NUDC: variants seen among roughly 807,000 people sequenced by gnomAD.
NUDC encodes nuclear migration protein nudC.
A neutral mutation model predicts 45.0 loss-of-function variants in NUDC; 14 were observed. The ratio of observed to expected loss-of-function variants is 0.31; its 90% CI spans 0.21 to 0.49. The LOEUF is 0.49. Among genes scored for constraint, NUDC ranks in the 20% least tolerant of loss-of-function variants. The pLI, the probability that NUDC is intolerant of heterozygous loss-of-function variation, is 0.99. For synonymous variants in NUDC, 153 were observed against 156.7 expected (o/e 0.98, Z 0.17); for missense variants, 323 against 426.2 (o/e 0.76, Z 2.13).
intron 3 of NUDC, among the ~76,000 whole-genome samples, chr1:26,916,676 T>G (rs533485441): frequency 5.9e-5 from 9 of 151,954 alleles, no homozygotes; most frequent in African/African-American, 1.9e-4. Context: ...AACCAAGAAC[T>G]GGCCGGGCAC....
chr1:26,941,509 G>A lies in NUDC; in HGVS notation c.212G>A (p.Arg71Gln), dbSNP rs140696208. 2.4e-4 allele frequency: 384 copies of A among 1,614,044 alleles called. 2 individuals are homozygous for A. In the East Asian group the frequency reaches 8.1e-3, roughly 34 times the overall value. ...AATCAGCTGGCACAGAAGACCCGGC[G>A]GGAGAAGAGAGCCCGGCAGGAGGCC... ...HHNQLAQKTRREKRARQEAER... is the reference protein window; with the variant it reads ...HHNQLAQKTRQEKRARQEAER... Residue 71 changes from arginine (R) to glutamine (Q), a missense_variant, in exon 3 of 9, where the codon CGG becomes CAG. Arg to Gln is a conservative substitution (Grantham distance 43). This residue lies in a region of NUDC where 245 missense variants were observed against 278.8 expected (regional missense o/e 0.88). Coordinates refer to ENST00000321265, the MANE Select transcript of NUDC (RefSeq NM_006600.4).
intron 2 of NUDC, among the ~76,000 whole-genome samples, chr1:26,931,269 G>A (rs1239646899): frequency 1.3e-5 from 2 of 150,678 alleles, no homozygotes; most frequent in African/African-American, 4.9e-5. Context: ...GTAGAGATGG[G>A]GTTTTACCAT....
chr1:26,946,434 G>A lies in NUDC; in HGVS notation c.*253G>A, dbSNP rs2082318340. On this transcript the variant is annotated 3_prime_UTR_variant, in exon 9 of 9. Transcript: ENST00000321265. The stretch of plus-strand genomic sequence containing the variant: ...TCTCTTGCCTCTGGCCTTTCTCTGG[G>A]GCACAGGCCTCTTACGGCTGCTGCT... 1.9e-6 allele frequency: 1 copy of A among 532,032 alleles called. No homozygotes were observed. The highest frequency in any genetic ancestry group is 3.4e-6 in the Non-Finnish European group (1 of 294,524). The allele number at this position is 532,032 out of a possible 1,614,324, so 33.0% of individuals were successfully genotyped here.
chr1:26,924,211 A>C lies in NUDC; in HGVS notation c.159+45A>C, dbSNP rs749973460. 15 of 1,551,372 alleles carry C rather than the reference A, an allele frequency of 9.7e-6. No homozygotes were observed. In the South Asian group the frequency reaches 1.7e-4, roughly 17 times the overall value. ...GTCCTTTGGGCGGCTCTGTCTCTTC[A>C]GAAGAAAAGCTCACCTGGCCTTTCT... On this transcript the variant is annotated intron_variant, in intron 2 of 8. Transcript: ENST00000321265.
rs151014108 is a variant in NUDC at position 26,913,468 on chromosome 1, C to T, written c.93+2233C>T. 1,146 of 1,614,106 alleles carry T rather than the reference C, an allele frequency of 7.1e-4. 7 individuals carry two copies. The African/African-American group carries it at 0.013, about 18-fold the overall frequency. On this transcript the variant is annotated intron_variant, in intron 3 of 6. Transcript: ENST00000435827. ...ATATTCCTTGGGGCTAAGCTCCAGG[C>T]TCCAGAAGGACTCCAGACAGCATTG...
intron 6 of NUDC, 35 bp from the exon 7 acceptor site, chr1:26,945,355 G>A (rs753304018): frequency 1.3e-6 from 2 of 1,579,790 alleles, no homozygotes; most frequent in East Asian, 2.2e-5. Flanking sequence ...GCACAGAGCA[G>A]GCCACCTCCC....
chr1:26,922,085 C>T (rs1477349234), intron 1 of NUDC, 156 bp downstream of exon 1: 14 of 756,898 alleles, frequency 1.8e-5, no homozygotes, highest in Non-Finnish European at 3.1e-5. Context: ...TGGCCACCCG[C>T]CAGCAGGTCT....
chr1:26,933,109 T>C (rs2082197039), intron 2 of NUDC, among the ~76,000 whole-genome samples: 1 of 152,088 alleles, frequency 6.6e-6, no homozygotes, highest in East Asian at 1.9e-4. Flanking sequence ...CTAATTTTTG[T>C]ATTTTTATTA....
At chr1:26,941,425 C>G (rs2082275186) in intron 2 of NUDC, 32 bp from the exon 3 acceptor site, 3 of 1,607,900 alleles carry the variant, frequency 1.9e-6, no homozygotes, top group Middle Eastern at 1.8e-4. Context: ...GTCCCCTGCT[C>G]TGATGCCTCA....
chr1:26,913,525 G>T (rs1215169942), intron 3 of NUDC: 23 of 1,613,446 alleles, frequency 1.4e-5, no homozygotes, highest in Non-Finnish European at 1.8e-5. Flanking sequence ...GGAGGGCTGG[G>T]GTCTGTCTGG....
At chr1:26,901,031 T>C (rs2124039988) in intron 1 of NUDC, among the ~76,000 whole-genome samples, 1 of 151,978 alleles carries the variant, frequency 6.6e-6, no homozygotes, top group Admixed American at 6.6e-5. Context: ...AACCTTAGAG[T>C]CGATGACAAC....
At position 26,903,515 on chromosome 1, in the gene NUDC, T is replaced by G. The variant is rs530819760; in HGVS notation, c.-16+1149T>G. On this transcript the variant is annotated intron_variant, in intron 2 of 6. Transcript: ENST00000435827. ...ATATTAAAAGTGAAAATAACTCATT[T>G]CAGAAAGCAATAGTTACCTTGTGAT... 4.6e-5 allele frequency among the ~76,000 whole-genome samples: 7 copies of G among 152,320 alleles called. No individual in the cohort carries two copies. In the East Asian group the frequency reaches 1.3e-3, roughly 29 times the overall value.
intron 2 of NUDC, among the ~76,000 whole-genome samples, chr1:26,933,275 T>C (rs1376865040): frequency 6.6e-6 from 1 of 151,982 alleles, no homozygotes; most frequent in Non-Finnish European, 1.5e-5. Context: ...GATGGACTTT[T>C]GGGTTGCTTT....
intron 1 of NUDC, 177 bp downstream of exon 1, chr1:26,922,106 G>T (rs2082096471): frequency 1.5e-6 from 1 of 664,232 alleles, no homozygotes; most frequent in Non-Finnish European, 2.6e-6. Flanking sequence ...CACCCGGTTC[G>T]CATCAGTCCC....
At chr1:26,902,243 T>C (rs1298629975) in intron 1 of NUDC, 1 of 152,226 alleles carries the variant, frequency 6.6e-6, no homozygotes, top group Non-Finnish European at 1.5e-5. Flanking sequence ...ACTGATCAGT[T>C]GGAACAAACT....
chr1:26,940,696 G>T (rs1232496679), intron 2 of NUDC, among the ~76,000 whole-genome samples: 1 of 151,878 alleles, frequency 6.6e-6, no homozygotes, highest in Non-Finnish European at 1.5e-5. Context: ...TTTTGTTTTG[G>T]TTTTTTTGAG....
At chr1:26,938,275 G>A (rs996420050) in intron 2 of NUDC, among the ~76,000 whole-genome samples, 1 of 152,192 alleles carries the variant, frequency 6.6e-6, no homozygotes, top group Non-Finnish European at 1.5e-5. Flanking sequence ...ACTCTGCCTG[G>A]TGGTTTAGCT....
chr1:26,934,668 T>C (rs2082212299), intron 2 of NUDC, among the ~76,000 whole-genome samples: 1 of 151,978 alleles, frequency 6.6e-6, no homozygotes, highest in Non-Finnish European at 1.5e-5. Flanking sequence ...AGAGGTTTTT[T>C]TTTTTTTTTG....
At chr1:26,902,041 G>C (rs2081981604) in intron 1 of NUDC, among the ~76,000 whole-genome samples, 1 of 152,158 alleles carries the variant, frequency 6.6e-6, no homozygotes, top group Admixed American at 6.5e-5. Flanking sequence ...TGTGATCCTG[G>C]AAAACTAAGG....
Sources: gnomAD v4.1 joint callset for allele counts (sites outside exome capture counted in the v4.1 genomes callset) on GRCh38, gnomAD v4.1.1 for gene constraint, gnomAD v4.1.1 regional missense constraint, MANE v1.5 for transcripts, NCBI Gene and HGNC (gene_info 2026-07-23, HGNC 2026-07-21) for gene names.